The following IFT74 variants were observed in gnomAD, a reference collection of about 807,000 sequenced individuals.
IFT74 encodes intraflagellar transport protein 74 homolog.
A neutral mutation model predicts 96.7 loss-of-function variants in IFT74; 92 were observed. The observed-to-expected ratio is 0.95, with a 90% CI of 0.80 to 1.13. The LOEUF is 1.13. IFT74 is among the 50% of genes most tolerant of loss of function. The pLI, the probability that IFT74 is intolerant of heterozygous loss-of-function variation, is 0.00. For synonymous variants in IFT74, 223 were observed against 213.2 expected (o/e 1.05, Z -0.40); for missense variants, 811 against 698.2 (o/e 1.16, Z -1.82).
intron 2 of IFT74, among the ~76,000 whole-genome samples, chr9:26,971,161 A>G (rs1007542749): frequency 9.2e-5 from 14 of 152,210 alleles, no homozygotes; most frequent in East Asian, 3.9e-4. Context: ...CACAGTGAGT[A>G]AAGTGATTCA....
rs182176009 is a variant in IFT74 at position 27,058,624 on chromosome 9, G to A, written c.1624-1967G>A. Among the ~76,000 whole-genome samples the A allele has an allele frequency of 2.6e-5, 4 of 151,188 alleles. No individual in the cohort carries two copies. In the East Asian group the frequency reaches 7.9e-4, roughly 30 times the overall value. On this transcript the variant is annotated intron_variant, in intron 18 of 19. Transcript: ENST00000380062. ...GCTGGTCTCGAACTCCTGACCTTAGGTCATCCACCTGCCTCGGCCTCCCAA... is the reference window on the plus strand; with the variant it reads ...GCTGGTCTCGAACTCCTGACCTTAGATCATCCACCTGCCTCGGCCTCCCAA...
chr9:26,963,645 G>A (rs917039404), intron 2 of IFT74, among the ~76,000 whole-genome samples: 15 of 151,526 alleles, frequency 9.9e-5, no homozygotes, highest in Non-Finnish European at 1.9e-4. Context: ...TTTAATGATC[G>A]CCATTCTAAC....
intron 2 of IFT74, among the ~76,000 whole-genome samples, chr9:26,971,878 A>G (rs1563941571): frequency 6.6e-6 from 1 of 152,282 alleles, no homozygotes; most frequent in East Asian, 1.9e-4. Flanking sequence ...TGGTTCTGCA[A>G]ATGTTTCAAA....
At chr9:26,969,179 C>T (rs145212771) in intron 2 of IFT74, among the ~76,000 whole-genome samples, 1 of 152,034 alleles carries the variant, frequency 6.6e-6, no homozygotes, top group African/African-American at 2.4e-5. Flanking sequence ...ACTGGTCATT[C>T]AGGAACATAT....
chr9:26,966,460 G>A (rs1006247108), intron 2 of IFT74, among the ~76,000 whole-genome samples: 3 of 151,890 alleles, frequency 2.0e-5, no homozygotes, highest in Non-Finnish European at 2.9e-5. Context: ...CCTGTTTGAC[G>A]TTTGTATATC....
intron 8 of IFT74, among the ~76,000 whole-genome samples, chr9:27,000,802 C>G (rs1297456251): frequency 6.6e-6 from 1 of 152,158 alleles, no homozygotes; most frequent in African/African-American, 2.4e-5. Context: ...AACAAACCTG[C>G]ATAACCTGCA....
At chr9:26,986,287 G>A (rs1827627945) in intron 6 of IFT74, among the ~76,000 whole-genome samples, 1 of 149,538 alleles carries the variant, frequency 6.7e-6, no homozygotes, top group Non-Finnish European at 1.5e-5. Flanking sequence ...GTTGTTACTG[G>A]TGGTGGTGGT....
chr9:26,973,448 G>A (rs977050409), intron 2 of IFT74, among the ~76,000 whole-genome samples: 3 of 152,144 alleles, frequency 2.0e-5, no homozygotes, highest in African/African-American at 7.2e-5. Flanking sequence ...GGAGTTTTTA[G>A]TTTGATGTCT....
At chr9:27,037,948 T>A (rs1269203713) in intron 13 of IFT74, among the ~76,000 whole-genome samples, 3 of 152,246 alleles carry the variant, frequency 2.0e-5, no homozygotes, top group African/African-American at 7.2e-5. Flanking sequence ...GTTGCAGTGA[T>A]GTTCTTGCCT....
chr9:26,972,293 G>T (rs1826914178), intron 2 of IFT74, among the ~76,000 whole-genome samples: 1 of 151,990 alleles, frequency 6.6e-6, no homozygotes, highest in African/African-American at 2.4e-5. Flanking sequence ...AACTTGGTGG[G>T]GCGTGCTTAC....
At chr9:27,019,721 A>G (rs765211198) in intron 12 of IFT74, among the ~76,000 whole-genome samples, 1 of 151,762 alleles carries the variant, frequency 6.6e-6, no homozygotes, top group African/African-American at 2.4e-5. Context: ...TATTATCATG[A>G]GTCATGCTCC....
intron 13 of IFT74, among the ~76,000 whole-genome samples, chr9:27,030,547 CAAAAA>C (rs60150925): frequency 1.7e-5 from 2 of 115,476 alleles, no homozygotes; most frequent in South Asian, 3.1e-4. Flanking sequence ...GACTCCGTCT[CAAAAA>C]AAAAAAAAAA....
rs12237154 is a variant in IFT74, at chr9:26,990,364, T to G, written c.587+169T>G. 5.5e-3 allele frequency among the ~76,000 whole-genome samples: 838 copies of G among 152,306 alleles called. 54 individuals carry two copies. In the East Asian group the frequency reaches 0.14, roughly 26 times the overall value. The stretch of plus-strand genomic sequence containing the variant: ...GTTGCTTATACTTGTTATCTTCATT[T>G]ACCATTAAATACCTAAATTCTGTAT... On this transcript the variant is annotated intron_variant, in intron 8 of 19. Coordinates refer to ENST00000380062, the MANE Select transcript of IFT74 (RefSeq NM_025103.4).
At chr9:27,029,310 A>C (rs1830013027) in intron 13 of IFT74, among the ~76,000 whole-genome samples, 1 of 152,208 alleles carries the variant, frequency 6.6e-6, no homozygotes, top group Admixed American at 6.5e-5. Context: ...AAATGATTGC[A>C]TAAAATTTAT....
At chr9:27,060,865 G>A (rs1820386264) in intron 19 of IFT74, 3 of 282,932 alleles carry the variant, frequency 1.1e-5, no homozygotes, top group Non-Finnish European at 1.3e-5. Flanking sequence ...GGGAGGCTGA[G>A]GCAGGAGAAT....
At chr9:27,000,119 A>C (rs1448789362) in intron 8 of IFT74, among the ~76,000 whole-genome samples, 1 of 152,134 alleles carries the variant, frequency 6.6e-6, no homozygotes, top group Non-Finnish European at 1.5e-5. Flanking sequence ...AAAATGTGAA[A>C]CAAGTGCATG....
rs866034961 is a variant in IFT74 at position 27,063,187 on chromosome 9, C to G, written c.*451C>G. ...ATTTTTAGCTTTGAATGTTACTTCT[C>G]AAATAGGTTATATTTGATGTGTATT... is the stretch of plus-strand genomic sequence containing the variant. On this transcript the variant is annotated 3_prime_UTR_variant, in exon 20 of 20. Coordinates refer to ENST00000380062, the MANE Select transcript of IFT74 (RefSeq NM_025103.4). 6.6e-6 allele frequency among the ~76,000 whole-genome samples: 1 copy of G among 151,988 alleles called. No homozygotes were observed. The highest frequency in any genetic ancestry group is 1.5e-5 in the Non-Finnish European group (1 of 67,974).
At chr9:27,019,928 A>G (rs896423238) in intron 12 of IFT74, among the ~76,000 whole-genome samples, 1 of 151,960 alleles carries the variant, frequency 6.6e-6, no homozygotes, top group Non-Finnish European at 1.5e-5. Flanking sequence ...TTGTAAAACA[A>G]TCATTTTACT....
intron 16 of IFT74, among the ~76,000 whole-genome samples, chr9:27,053,719 A>T (rs1820033349): frequency 6.6e-6 from 1 of 152,230 alleles, no homozygotes; most frequent in Admixed American, 6.5e-5. Flanking sequence ...ATCAAGAAAA[A>T]TCAATTTGTA....
Sources: gnomAD v4.1 joint callset for allele counts (sites outside exome capture counted in the v4.1 genomes callset) on GRCh38, gnomAD v4.1.1 for gene constraint, MANE v1.5 for transcripts, NCBI Gene and HGNC (gene_info 2026-07-23, HGNC 2026-07-21) for gene names.